ARHGEF18: variants seen among roughly 807,000 people sequenced by gnomAD.
ARHGEF18 encodes the protein Rho/Rac guanine nucleotide exchange factor 18, also known as rho guanine nucleotide exchange factor 18.
Under a neutral mutation model 155.7 loss-of-function variants are expected in ARHGEF18, and 93 were observed. The ratio of observed to expected loss-of-function variants is 0.60; its 90% CI spans 0.50 to 0.71. The LOEUF is 0.71. Among genes scored for constraint, ARHGEF18 ranks in the 30% least tolerant of loss-of-function variants. ARHGEF18 has a pLI of 0.00. For synonymous variants in ARHGEF18, 742 were observed against 753.1 expected (o/e 0.99, Z 0.24); for missense variants, 1,593 against 1,816.1 (o/e 0.88, Z 2.23).
intron 10 of ARHGEF18, chr19:7,394,992 C>T: frequency 1.0e-6 from 1 of 962,424 alleles, no homozygotes; most frequent in South Asian, 4.8e-5. Flanking sequence ...CGCCCCCTCA[C>T]CACGGCTCGG....
Position 7,383,933 on chromosome 19 carries a change from G to A in ARHGEF18, c.967+730G>A, listed in dbSNP as rs183560907. Reference sequence around the variant, plus strand: ...GTGGTGAGGGAAAGAGTCTCTACTCGAGAAAAAGTACCAGATTCAAGAGAC... The same window carrying A: ...GTGGTGAGGGAAAGAGTCTCTACTCAAGAAAAAGTACCAGATTCAAGAGAC... On this transcript the variant is annotated intron_variant, in intron 10 of 28. Transcript: ENST00000668164. Among the ~76,000 whole-genome samples the A allele has an allele frequency of 3.8e-3, 579 of 152,042 alleles. 2 individuals are homozygous for A. Among genetic ancestry groups the A allele is most frequent in the Non-Finnish European group, 6.6e-3 (448 of 67,964 alleles).
intron 10 of ARHGEF18, among the ~76,000 whole-genome samples, chr19:7,431,380 G>A (rs1362459091): frequency 1.3e-5 from 2 of 151,666 alleles, no homozygotes; most frequent in Non-Finnish European, 2.9e-5. Flanking sequence ...AGCTGGGCAT[G>A]GATGTGGGCG....
In ARHGEF18 at chr19:7,440,051, C is replaced by T. The variant is rs1974525734; in HGVS notation, c.968-293C>T. The T allele has an allele frequency of 3.2e-6, 5 of 1,550,738 alleles. No homozygotes were observed. The East Asian group carries it at 1.2e-4, about 38-fold the overall frequency. On this transcript the variant is annotated intron_variant, in intron 10 of 28. Transcript: ENST00000668164. The surrounding 1 kb of genome is among the most constrained non-coding windows in gnomAD (Gnocchi z 5.4). ...GAAGGATCCCACCGAGGCATAAAAACGGCGCAGCCCAGCCTGGCGCCGCGC... is the reference window on the plus strand; with the variant it reads ...GAAGGATCCCACCGAGGCATAAAAATGGCGCAGCCCAGCCTGGCGCCGCGC...
At chr19:7,412,598 C>T (rs1172179052) in intron 10 of ARHGEF18, among the ~76,000 whole-genome samples, 4 of 151,654 alleles carry the variant, frequency 2.6e-5, no homozygotes, top group African/African-American at 4.8e-5. Flanking sequence ...ATAAAGTAGC[C>T]GGGCGTGGTG....
At chr19:7,349,760 A>C (rs1410275558) in intron 1 of ARHGEF18, among the ~76,000 whole-genome samples, 1 of 152,072 alleles carries the variant, frequency 6.6e-6, no homozygotes, top group African/African-American at 2.4e-5. Flanking sequence ...GAAAAAGAAA[A>C]GCAAAGAAAG....
chr19:7,383,149 A>T lies in ARHGEF18; in HGVS notation c.913A>T (p.Thr305Ser). Residue 305 changes from threonine to serine, a missense_variant, in exon 10 of 29, where the codon ACC (threonine) becomes TCC (serine). Transcript: ENST00000668164. ...CAATGGGCACCAGCTGTTGCAAGGG[A>T]CCTTCTCCGGCCCCTCCAGCTGCCC... ...CVNGHQLLQGTFSGPSSCPLC... is the reference protein window; with the variant it reads ...CVNGHQLLQGSFSGPSSCPLC... 1 of 1,232,138 alleles carries T rather than the reference A, an allele frequency of 8.1e-7. No individual in the cohort carries two copies. 76.3% of individuals were successfully genotyped at this position (1,232,138 alleles called of 1,614,324 possible).
Position 7,463,957 on chromosome 19 carries a change from T to G in ARHGEF18, c.2773+2T>G, listed in dbSNP as rs1197034345. On this transcript the variant is annotated splice_donor_variant, in intron 22 of 28. Coordinates refer to ENST00000668164, the MANE Select transcript of ARHGEF18 (RefSeq NM_001367823.1). LOFTEE classifies it high-confidence loss of function. The surrounding 1 kb of genome is among the most constrained non-coding windows in gnomAD (Gnocchi z 5.2). ...ACTGCACAAACAGCCCCACCAAGAGTAAGAGCGGGGCCGTCTCCCCTCCTG... is the reference window on the plus strand; with the variant it reads ...ACTGCACAAACAGCCCCACCAAGAGGAAGAGCGGGGCCGTCTCCCCTCCTG... 6.3e-7 allele frequency: 1 copy of G among 1,581,064 alleles called. No individual in the cohort carries two copies. The highest frequency in any genetic ancestry group is 8.6e-7 in the Non-Finnish European group (1 of 1,163,810).
At chr19:7,432,499 A>C (rs1293665215) in intron 10 of ARHGEF18, among the ~76,000 whole-genome samples, 1 of 152,308 alleles carries the variant, frequency 6.6e-6, no homozygotes, top group Non-Finnish European at 1.5e-5. Context: ...GTTCAGAGAC[A>C]GGGTCTCACT....
chr19:7,460,139 A>C (rs544469478), intron 20 of ARHGEF18, 145 bp downstream of exon 20: 2 of 782,254 alleles, frequency 2.6e-6, no homozygotes, highest in Middle Eastern at 3.5e-4. Flanking sequence ...TCTGTGAAGC[A>C]TTAGAACGGG....
At chr19:7,466,836 A>AAG in intron 23 of ARHGEF18, 82 bp from the exon 24 acceptor site, 1 of 1,094,024 alleles carries the variant, frequency 9.1e-7, no homozygotes, top group Non-Finnish European at 1.3e-6. Context: ...AGTTAAAAAA[A>AAG]AAGAAGAAGA....
intron 10 of ARHGEF18, chr19:7,439,590 G>C: frequency 1.2e-6 from 1 of 804,322 alleles, no homozygotes. Flanking sequence ...CCCTGTTGAT[G>C]TTGGGTTGGT....
At chr19:7,384,595 G>C (rs184636576) in intron 10 of ARHGEF18, among the ~76,000 whole-genome samples, 11 of 152,286 alleles carry the variant, frequency 7.2e-5, no homozygotes, top group Admixed American at 6.5e-4. Flanking sequence ...TGGTGTCAAC[G>C]ATGTTCCTCT....
At position 7,471,099 on chromosome 19, in the gene ARHGEF18, A is replaced by G. The variant is rs1353582617; in HGVS notation, c.*801A>G. ...TTCACACGCTCAGCCTGTCTGGGGG[A>G]GCGGGCCTCTAGCTTCAGCCAGGGC... On this transcript the variant is annotated 3_prime_UTR_variant, in exon 29 of 29. Coordinates refer to ENST00000668164, the MANE Select transcript of ARHGEF18 (RefSeq NM_001367823.1). The surrounding 1 kb of genome is among the most constrained non-coding windows in gnomAD (Gnocchi z 4.4). The G allele has an allele frequency of 3.1e-6, 1 of 322,832 alleles. No individual in the cohort carries two copies. Among genetic ancestry groups the G allele is most frequent in the Non-Finnish European group, 5.6e-6 (1 of 178,844 alleles). The allele number at this position is 322,832 out of a possible 1,614,324, so 20.0% of individuals were successfully genotyped here.
chr19:7,387,623 G>T (rs186784877), intron 10 of ARHGEF18, among the ~76,000 whole-genome samples: 3 of 152,036 alleles, frequency 2.0e-5, no homozygotes, highest in Non-Finnish European at 4.4e-5. Context: ...AGGACAGCTC[G>T]CCTGTTCATT....
At chr19:7,390,335 C>T (rs1215163892) in intron 10 of ARHGEF18, among the ~76,000 whole-genome samples, 1 of 151,832 alleles carries the variant, frequency 6.6e-6, no homozygotes, top group African/African-American at 2.4e-5. Flanking sequence ...GGTAAGACCC[C>T]ATCTCCATTA....
chr19:7,416,530 C>CGTGT (rs71179108), intron 10 of ARHGEF18, among the ~76,000 whole-genome samples: 15,215 of 105,602 alleles, frequency 0.14, 1,246 homozygotes, highest in Admixed American at 0.2. Context: ...GGAGAAAATT[C>CGTGT]GTGTGTGTGT....
chr19:7,361,991 GGAA>G (rs1185709548), intron 1 of ARHGEF18, among the ~76,000 whole-genome samples: 958 of 79,164 alleles, frequency 0.012, 147 homozygotes, highest in African/African-American at 0.047. Flanking sequence ...AAGACTCTGT[GGAA>G]GAAGAAGAAG....
intron 10 of ARHGEF18, among the ~76,000 whole-genome samples, chr19:7,426,259 G>A (rs1051113123): frequency 1.3e-5 from 2 of 151,992 alleles, no homozygotes; most frequent in Non-Finnish European, 2.9e-5. Context: ...AGGCTGAGGC[G>A]GGTGGATCAC....
downstream of ARHGEF18, chr19:7,477,246 G>A (rs1977257767): frequency 6.4e-7 from 1 of 1,571,106 alleles, no homozygotes; most frequent in Non-Finnish European, 8.6e-7. Context: ...CGGGCCGCCT[G>A]GTACATGCTG....
Sources: gnomAD v4.1 joint callset for allele counts (sites outside exome capture counted in the v4.1 genomes callset) on GRCh38, gnomAD v4.1.1 for gene constraint, Gnocchi (gnomAD v3.1) non-coding constraint, MANE v1.5 for transcripts, NCBI Gene and HGNC (gene_info 2026-07-23, HGNC 2026-07-21) for gene names.